Variants in SYT9 observed in about 807,000 individuals in gnomAD.
SYT9 encodes synaptotagmin 9.
A neutral mutation model predicts 48.4 loss-of-function variants in SYT9; 22 were observed. That is an observed-to-expected ratio of 0.45 (90% CI 0.32 to 0.65). The LOEUF (loss-of-function observed/expected upper bound fraction) is 0.65. SYT9 is among the 30% of genes least tolerant of loss of function. The pLI is 0.03. For synonymous variants in SYT9, 265 were observed against 245.0 expected (o/e 1.08, Z -0.76); for missense variants, 577 against 622.0 (o/e 0.93, Z 0.77).
intron 3 of SYT9, among the ~76,000 whole-genome samples, chr11:7,401,395 C>A (rs184714873): frequency 6.6e-6 from 1 of 151,380 alleles, no homozygotes. Context: ...ATCTGAAGCA[C>A]TTCTGGTTCC....
At position 7,468,454 on chromosome 11, in the gene SYT9, T is replaced by C. The variant is rs1320777674; in HGVS notation, c.*1654T>C. The C allele has an allele frequency of 2.5e-6, 1 of 396,708 alleles. No individual in the cohort carries two copies. The highest frequency in any genetic ancestry group is 4.4e-6 in the Non-Finnish European group (1 of 225,242). 24.6% of individuals were successfully genotyped at this position (396,708 alleles called of 1,614,324 possible). A position where few individuals can be genotyped will look rare whatever the true frequency, so the allele number is the denominator to read the frequency against. ...AATCCAAGGTTCTGCCTATGTCTGA[T>C]GACATAAGGAAAACTTGGCTTCCTC... On this transcript the variant is annotated 3_prime_UTR_variant, in exon 7 of 7. Coordinates refer to ENST00000318881, the MANE Select transcript of SYT9 (RefSeq NM_175733.4).
chr11:7,450,398 T>C (rs1848025808), intron 6 of SYT9: 1 of 152,204 alleles, frequency 6.6e-6, no homozygotes, highest in Admixed American at 6.5e-5. Context: ...GCATCTGTCA[T>C]GGGAATAACA....
At chr11:7,277,659 A>G (rs2133896842) in intron 1 of SYT9, among the ~76,000 whole-genome samples, 1 of 152,336 alleles carries the variant, frequency 6.6e-6, no homozygotes, top group Non-Finnish European at 1.5e-5. Flanking sequence ...ATAGTTCTTC[A>G]GGATTAGTGT....
At chr11:7,466,734 AAAG>A in intron 6 of SYT9, 55 bp from the exon 7 acceptor site, 3 of 1,575,142 alleles carry the variant, frequency 1.9e-6, no homozygotes, top group Admixed American at 1.9e-5. Context: ...AAAAAAAAAA[AAAG>A]AAAAAAAATG....
intron 6 of SYT9, among the ~76,000 whole-genome samples, chr11:7,432,547 CAAAAAAAAAAAAA>C (rs67650978): frequency 7.1e-4 from 12 of 16,930 alleles, no homozygotes; most frequent in Non-Finnish European, 1.0e-3. Context: ...GACTCCATCT[CAAAAAAAAAAAAA>C]AAAAAAAAAA....
At chr11:7,263,364 A>G (rs1043716379) in intron 1 of SYT9, among the ~76,000 whole-genome samples, 1 of 152,152 alleles carries the variant, frequency 6.6e-6, no homozygotes, top group African/African-American at 2.4e-5. Context: ...AATCCCATTC[A>G]TGGGGGCTCT....
intron 1 of SYT9, among the ~76,000 whole-genome samples, chr11:7,263,524 A>G (rs962683959): frequency 1.3e-5 from 2 of 152,216 alleles, no homozygotes; most frequent in African/African-American, 4.8e-5. Flanking sequence ...AAGAAGTCAA[A>G]CAACTGGTTA....
At chr11:7,344,992 A>G (rs1849775626) in intron 3 of SYT9, among the ~76,000 whole-genome samples, 1 of 152,046 alleles carries the variant, frequency 6.6e-6, no homozygotes, top group Admixed American at 6.6e-5. Flanking sequence ...TGCATTAAAT[A>G]TAGAATCACT....
chr11:7,424,490 A>T (rs1182706470), intron 6 of SYT9, among the ~76,000 whole-genome samples: 1 of 152,168 alleles, frequency 6.6e-6, no homozygotes, highest in Non-Finnish European at 1.5e-5. Context: ...TGTCAAGATG[A>T]CCAACATCAT....
rs1291542052 is a variant in SYT9 at position 7,466,812 on chromosome 11, A to T, written c.*12A>T. The T allele has an allele frequency of 6.2e-7, 1 of 1,613,206 alleles. No homozygotes were observed. The highest frequency in any genetic ancestry group is 2.2e-5 in the East Asian group (1 of 44,866). On this transcript the variant is annotated 3_prime_UTR_variant, in exon 7 of 7. Coordinates refer to ENST00000318881, the MANE Select transcript of SYT9 (RefSeq NM_175733.4). ...TGCAGAAACGATGACCATGGGTAAGAGGACTGCTTGTGCCAAGGACAAAAT... is the reference window on the plus strand; with the variant it reads ...TGCAGAAACGATGACCATGGGTAAGTGGACTGCTTGTGCCAAGGACAAAAT...
intron 4 of SYT9, among the ~76,000 whole-genome samples, chr11:7,417,311 GA>G (rs1175548754): frequency 6.6e-6 from 1 of 152,168 alleles, no homozygotes. Flanking sequence ...AGAAGAGTGA[GA>G]TAGCTGTTAG....
chr11:7,381,341 C>T (rs1222960960), intron 3 of SYT9, among the ~76,000 whole-genome samples: 1 of 152,136 alleles, frequency 6.6e-6, no homozygotes, highest in Non-Finnish European at 1.5e-5. Flanking sequence ...GTTCAGAAAC[C>T]ATACTTTTTA....
chr11:7,254,061 T>C (rs1774997565), intron 1 of SYT9, among the ~76,000 whole-genome samples: 1 of 152,174 alleles, frequency 6.6e-6, no homozygotes, highest in Non-Finnish European at 1.5e-5. Flanking sequence ...ATCCGGGAGC[T>C]GGATCCTGTG....
At chr11:7,360,033 G>A (rs1406361450) in intron 3 of SYT9, among the ~76,000 whole-genome samples, 1 of 151,760 alleles carries the variant, frequency 6.6e-6, no homozygotes, top group Non-Finnish European at 1.5e-5. Context: ...TTTGTATAAG[G>A]TGTAAGGAAG....
intron 6 of SYT9, 82 bp downstream of exon 6, chr11:7,420,717 G>A (rs1847338171): frequency 6.4e-7 from 1 of 1,556,020 alleles, no homozygotes; most frequent in South Asian, 1.1e-5. Flanking sequence ...AAACATATGA[G>A]TGCACCAGGA....
At chr11:7,304,141 G>A (rs754527904) in intron 2 of SYT9, among the ~76,000 whole-genome samples, 1 of 152,202 alleles carries the variant, frequency 6.6e-6, no homozygotes, top group South Asian at 2.1e-4. Flanking sequence ...TTCAAAAGAG[G>A]AGTAGATAGT....
intron 3 of SYT9, among the ~76,000 whole-genome samples, chr11:7,372,651 T>A (rs1850383358): frequency 6.6e-6 from 1 of 152,310 alleles, no homozygotes; most frequent in East Asian, 1.9e-4. Flanking sequence ...ATCTTTGGAT[T>A]TGTGATTTGT....
At chr11:7,283,470 T>G (rs1848539583) in intron 1 of SYT9, among the ~76,000 whole-genome samples, 1 of 152,150 alleles carries the variant, frequency 6.6e-6, no homozygotes, top group South Asian at 2.1e-4. Context: ...TATGGGTATT[T>G]TTTTATGTAA....
At chr11:7,341,661 G>A (rs1376686025) in intron 3 of SYT9, among the ~76,000 whole-genome samples, 1 of 152,104 alleles carries the variant, frequency 6.6e-6, no homozygotes, top group Non-Finnish European at 1.5e-5. Flanking sequence ...GACTAAGACA[G>A]CGGCCATGAG....
Sources: gnomAD v4.1 joint callset for allele counts (sites outside exome capture counted in the v4.1 genomes callset) on GRCh38, gnomAD v4.1.1 for gene constraint, MANE v1.5 for transcripts, NCBI Gene and HGNC (gene_info 2026-07-23, HGNC 2026-07-21) for gene names.